ZFPM2: variants seen among roughly 807,000 people sequenced by gnomAD.
ZFPM2 encodes zinc finger protein ZFPM2.
Under a neutral mutation model 98.6 loss-of-function variants are expected in ZFPM2, and 20 were observed. The ratio of observed to expected loss-of-function variants is 0.20; its 90% CI spans 0.14 to 0.29. ZFPM2 has a LOEUF of 0.29. ZFPM2 is among the 10% of genes least tolerant of loss of function. The pLI, the probability that ZFPM2 is intolerant of heterozygous loss-of-function variation, is 1.00. For missense variants in ZFPM2, 1,310 were observed against 1,388.6 expected, an observed-to-expected ratio of 0.94 and a Z score of 0.90; for synonymous variants, 518 against 502.7, an observed-to-expected ratio of 1.03 and a Z score of -0.41.
intron 4 of ZFPM2, among the ~76,000 whole-genome samples, chr8:105,580,997 C>A (rs967987452): frequency 6.6e-6 from 1 of 151,846 alleles, no homozygotes; most frequent in Non-Finnish European, 1.5e-5. Flanking sequence ...TAGTGACCAA[C>A]TCAAGCTAAA....
At chr8:105,556,312 A>G (rs529006814) in intron 3 of ZFPM2, among the ~76,000 whole-genome samples, 1 of 152,306 alleles carries the variant, frequency 6.6e-6, no homozygotes, top group East Asian at 1.9e-4. Context: ...CGTGACCACA[A>G]GCAGACATCA....
At chr8:105,362,321 A>G (rs1810418883) in intron 1 of ZFPM2, among the ~76,000 whole-genome samples, 3 of 151,972 alleles carry the variant, frequency 2.0e-5, no homozygotes, top group Non-Finnish European at 4.4e-5. Context: ...GACAATAACT[A>G]TACTGGATCA....
At chr8:105,778,080 C>T (rs1035330989) in intron 5 of ZFPM2, among the ~76,000 whole-genome samples, 14 of 152,170 alleles carry the variant, frequency 9.2e-5, no homozygotes, top group African/African-American at 1.2e-4. Flanking sequence ...ACCTCCAAAG[C>T]GGTTTTCAAA....
rs185017181 is a variant in ZFPM2 at position 105,525,571 on chromosome 8, T to C, written c.302-35792T>C. Among the ~76,000 whole-genome samples the C allele has an allele frequency of 2.6e-4, 40 of 152,254 alleles. 1 individual carries two copies. Among genetic ancestry groups the C allele is most frequent in the Admixed American group, 2.4e-3 (36 of 15,282 alleles). ...GGTGACTTGGTCAATGTCAAATCGA[T>C]AGGAATAAGGATTGTGCAACTAAAT... On this transcript the variant is annotated intron_variant, in intron 3 of 7. Coordinates refer to ENST00000407775, the MANE Select transcript of ZFPM2 (RefSeq NM_012082.4).
chr8:105,428,534 C>T (rs1811958444), intron 2 of ZFPM2, among the ~76,000 whole-genome samples: 1 of 152,092 alleles, frequency 6.6e-6, no homozygotes, highest in Non-Finnish European at 1.5e-5. Flanking sequence ...ATGTTGCTTT[C>T]AGGTAATTTG....
intron 1 of ZFPM2, among the ~76,000 whole-genome samples, chr8:105,366,276 T>C (rs1172543180): frequency 6.6e-6 from 1 of 152,198 alleles, no homozygotes; most frequent in Non-Finnish European, 1.5e-5. Context: ...GGACTTTTCA[T>C]CTGTACTAGG....
chr8:105,699,033 A>T (rs992471135), intron 5 of ZFPM2, among the ~76,000 whole-genome samples: 1 of 152,178 alleles, frequency 6.6e-6, no homozygotes, highest in Admixed American at 6.5e-5. Context: ...TGAGCACATA[A>T]GTTATTTAAA....
At chr8:105,573,596 A>G (rs922504690) in intron 4 of ZFPM2, among the ~76,000 whole-genome samples, 4 of 152,230 alleles carry the variant, frequency 2.6e-5, no homozygotes, top group Non-Finnish European at 5.9e-5. Context: ...TAAAATATTT[A>G]TGGTTTCTCA....
intron 4 of ZFPM2, among the ~76,000 whole-genome samples, chr8:105,621,124 A>G (rs1586155715): frequency 6.6e-6 from 1 of 152,120 alleles, no homozygotes; most frequent in East Asian, 1.9e-4. Context: ...CTTGGGCAGT[A>G]TGGCTATTTT....
At chr8:105,633,924 C>T (rs887130351) in intron 4 of ZFPM2, among the ~76,000 whole-genome samples, 13 of 152,056 alleles carry the variant, frequency 8.5e-5, no homozygotes, top group African/African-American at 3.1e-4. Flanking sequence ...AAACACTCTG[C>T]TCTTTGCAAT....
At chr8:105,427,823 C>T (rs569904303) in intron 2 of ZFPM2, among the ~76,000 whole-genome samples, 33 of 152,268 alleles carry the variant, frequency 2.2e-4, no homozygotes, top group Admixed American at 2.1e-3. Flanking sequence ...TCTTTTTTGT[C>T]ATTCAGTGAG....
At chr8:105,394,172 C>T (rs140642682) in intron 1 of ZFPM2, among the ~76,000 whole-genome samples, 177 of 152,158 alleles carry the variant, frequency 1.2e-3, no homozygotes, top group African/African-American at 4.1e-3. Flanking sequence ...GGATTACAAG[C>T]GTGAGCCACC....
intron 4 of ZFPM2, among the ~76,000 whole-genome samples, chr8:105,609,758 G>T (rs1443933829): frequency 6.6e-6 from 1 of 152,130 alleles, no homozygotes; most frequent in African/African-American, 2.4e-5. Flanking sequence ...TTCAAAAATA[G>T]TTGAGGAAAA....
chr8:105,557,828 TC>T (rs1326314145), intron 3 of ZFPM2, among the ~76,000 whole-genome samples: 1 of 152,206 alleles, frequency 6.6e-6, no homozygotes, highest in Non-Finnish European at 1.5e-5. Context: ...ACATCCATCC[TC>T]TGATAAAGTG....
At chr8:105,404,317 C>G (rs1398696987) in intron 1 of ZFPM2, among the ~76,000 whole-genome samples, 1 of 151,968 alleles carries the variant, frequency 6.6e-6, no homozygotes, top group Admixed American at 6.6e-5. Flanking sequence ...AATTTATTGT[C>G]TAGCCTATTT....
chr8:105,565,974 G>A (rs1410848262), intron 4 of ZFPM2, among the ~76,000 whole-genome samples: 1 of 152,182 alleles, frequency 6.6e-6, no homozygotes, highest in Non-Finnish European at 1.5e-5. Context: ...TACTCAGTCA[G>A]ATGAGATACC....
intron 1 of ZFPM2, among the ~76,000 whole-genome samples, chr8:105,322,426 T>A (rs1216431899): frequency 6.6e-6 from 1 of 150,598 alleles, no homozygotes; most frequent in Non-Finnish European, 1.5e-5. Flanking sequence ...GTATTGGCTA[T>A]GGGTGCAGGA....
At chr8:105,528,373 T>C (rs1352471847) in intron 3 of ZFPM2, among the ~76,000 whole-genome samples, 1 of 152,050 alleles carries the variant, frequency 6.6e-6, no homozygotes, top group Non-Finnish European at 1.5e-5. Context: ...CGTAAGGAAG[T>C]TGAATTTGAA....
At chr8:105,323,268 A>C (rs1812061161) in intron 1 of ZFPM2, among the ~76,000 whole-genome samples, 1 of 151,958 alleles carries the variant, frequency 6.6e-6, no homozygotes, top group African/African-American at 2.4e-5. Context: ...TCATTGTTAT[A>C]CACAGTTAGA....
Sources: allele counts gnomAD v4.1 joint callset (sites outside exome capture counted in the v4.1 genomes callset), GRCh38; gene constraint gnomAD v4.1.1; transcripts MANE v1.5; gene names NCBI Gene and HGNC (gene_info 2026-07-23, HGNC 2026-07-21).